The following DMXL1 variants were observed in gnomAD, a reference collection of about 807,000 sequenced individuals.
DMXL1 encodes the protein dmX-like protein 1.
In DMXL1, 99 loss-of-function variants were observed where a neutral mutation model predicts 319.2. That is an observed-to-expected ratio of 0.31 (90% CI 0.26 to 0.37). The LOEUF (loss-of-function observed/expected upper bound fraction) is 0.37. DMXL1 is among the 10% of genes least tolerant of loss of function. DMXL1 has a pLI of 1.00. For synonymous variants in DMXL1, 1,385 were observed against 1,235.2 expected, an observed-to-expected ratio of 1.12 and a Z score of -2.54; for missense variants, 3,745 against 3,595.6, an observed-to-expected ratio of 1.04 and a Z score of -1.06.
intron 19 of DMXL1, among the ~76,000 whole-genome samples, chr5:119,156,937 C>G (rs890878266): frequency 6.6e-6 from 1 of 151,514 alleles, no homozygotes; most frequent in East Asian, 1.9e-4. Flanking sequence ...AGATATCAAG[C>G]GCTTTTTTCA....
chr5:119,164,668 A>G lies in DMXL1; in HGVS notation c.4864A>G (p.Ile1622Val), dbSNP rs756926268. Residue 1622 changes from isoleucine (I) to valine (V), a missense_variant, in exon 20 of 44, where the codon ATA becomes GTA. Transcript: ENST00000539542. Reference protein sequence around the residue: ...VRNTRILRKCIEKVAKAAFYR... With the variant: ...VRNTRILRKCVEKVAKAAFYR... Reference sequence around the variant, plus strand: ...GAATACCCGCATCTTACGCAAATGCATAGAAAAAGTAAGTGTTTTATTTTG... The same window carrying G: ...GAATACCCGCATCTTACGCAAATGCGTAGAAAAAGTAAGTGTTTTATTTTG... The G allele has an allele frequency of 6.3e-7, 1 of 1,593,936 alleles. No individual in the cohort carries two copies. Among genetic ancestry groups the G allele is most frequent in the Non-Finnish European group, 8.6e-7 (1 of 1,167,256 alleles).
At chr5:119,211,350 G>T (rs557119656) in intron 34 of DMXL1, among the ~76,000 whole-genome samples, 3 of 152,112 alleles carry the variant, frequency 2.0e-5, no homozygotes, top group African/African-American at 7.2e-5. Context: ...GAAGTGTTTG[G>T]TAGAATCCTG....
At chr5:119,184,475 A>AT (rs1025954393) in intron 28 of DMXL1, among the ~76,000 whole-genome samples, 1 of 152,126 alleles carries the variant, frequency 6.6e-6, no homozygotes, top group African/African-American at 2.4e-5. Context: ...GCTTGAATAT[A>AT]TTTTTTCCAT....
At chr5:119,210,757 G>A (rs550784834) in intron 34 of DMXL1, among the ~76,000 whole-genome samples, 1 of 89,778 alleles carries the variant, frequency 1.1e-5, no homozygotes, top group Non-Finnish European at 2.1e-5. Flanking sequence ...TTTTTCTTTC[G>A]TTTTTTTTTT....
At chr5:119,192,594 T>C (rs999409529) in intron 29 of DMXL1, among the ~76,000 whole-genome samples, 12 of 152,244 alleles carry the variant, frequency 7.9e-5, no homozygotes, top group African/African-American at 2.9e-4. Flanking sequence ...GTGATATCCA[T>C]GTCAAATGTA....
chr5:119,169,698 G>T (rs1447342215), intron 23 of DMXL1, among the ~76,000 whole-genome samples: 2 of 152,200 alleles, frequency 1.3e-5, no homozygotes, highest in Non-Finnish European at 2.9e-5. Flanking sequence ...GTGAAGTTGG[G>T]ACTGGAGATA....
intron 9 of DMXL1, among the ~76,000 whole-genome samples, chr5:119,124,785 C>T (rs1580853834): frequency 1.3e-5 from 2 of 151,914 alleles, no homozygotes; most frequent in Non-Finnish European, 2.9e-5. Flanking sequence ...AGGCTGGTCT[C>T]GAGCTCCTGA....
chr5:119,075,655 A>G (rs1241542570), intron 1 of DMXL1, among the ~76,000 whole-genome samples: 1 of 151,980 alleles, frequency 6.6e-6, no homozygotes, highest in Admixed American at 6.6e-5. Flanking sequence ...ATTTACTGGA[A>G]TGCTTCCTTC....
chr5:119,213,210 A>G (rs1232596720), intron 34 of DMXL1, among the ~76,000 whole-genome samples: 2 of 152,020 alleles, frequency 1.3e-5, no homozygotes, highest in Admixed American at 1.3e-4. Flanking sequence ...CCTACTCCCC[A>G]CAGATCAATA....
chr5:119,145,397 G>GTCTTCTATCAGTTTTC (rs954162451), intron 15 of DMXL1, among the ~76,000 whole-genome samples: 6 of 151,446 alleles, frequency 4.0e-5, no homozygotes, highest in African/African-American at 7.3e-5. Flanking sequence ...ATTGCTTTTA[G>GTCTTCTATCAGTTTTC]TCTTCTATCA....
chr5:119,071,042 A>T (rs1023343115), upstream of DMXL1, among the ~76,000 whole-genome samples: 1 of 152,228 alleles, frequency 6.6e-6, no homozygotes, highest in South Asian at 2.1e-4. Context: ...CCACAGTAGC[A>T]GCTGCCCCGA....
intron 23 of DMXL1, among the ~76,000 whole-genome samples, chr5:119,169,909 A>G (rs1774207471): frequency 6.6e-6 from 1 of 152,228 alleles, no homozygotes; most frequent in East Asian, 1.9e-4. Flanking sequence ...AAAAAGAACT[A>G]AGAGTCTATA....
At position 119,166,742 on chromosome 5, in the gene DMXL1, A is replaced by AT. The variant is rs776021446; in HGVS notation, c.5103dup (p.Leu1702SerfsTer11). On this transcript the variant is annotated frameshift_variant, in exon 22 of 44. Coordinates refer to ENST00000539542, the MANE Select transcript of DMXL1 (RefSeq NM_001290321.3). LOFTEE classifies it high-confidence loss of function. ...AACAAAGATTTGAACATTCTGCAGCATTTTTTCTTTTAGCTGGTTGCCTCA... is the reference window on the plus strand; with the variant it reads ...AACAAAGATTTGAACATTCTGCAGCATTTTTTTCTTTTAGCTGGTTGCCTCA... The AT allele has an allele frequency of 6.2e-7, 1 of 1,612,474 alleles. No individual in the cohort carries two copies. Among genetic ancestry groups the AT allele is most frequent in the South Asian group, 1.1e-5 (1 of 90,698 alleles).
chr5:119,132,948 A>G, intron 10 of DMXL1, 184 bp from the exon 11 acceptor site: 1 of 628,810 alleles, frequency 1.6e-6, no homozygotes, highest in South Asian at 2.0e-5. Context: ...TACTTAAAGT[A>G]TATTGCAAAG....
intron 1 of DMXL1, among the ~76,000 whole-genome samples, chr5:119,080,538 A>G (rs182012385): frequency 5.9e-5 from 9 of 151,604 alleles, no homozygotes; most frequent in Admixed American, 2.0e-4. Context: ...ATCCTCCCAC[A>G]TTTTTCTTAT....
intron 34 of DMXL1, among the ~76,000 whole-genome samples, chr5:119,209,729 A>G (rs1278690121): frequency 6.6e-6 from 1 of 152,096 alleles, no homozygotes; most frequent in Non-Finnish European, 1.5e-5. Context: ...GTAGTAGTTC[A>G]TTGTGGTTTT....
chr5:119,241,393 G>T (rs1185507128), intron 42 of DMXL1, among the ~76,000 whole-genome samples: 1 of 152,018 alleles, frequency 6.6e-6, no homozygotes, highest in Non-Finnish European at 1.5e-5. Flanking sequence ...AAATTAGCCA[G>T]GCGTTGTGGT....
intron 29 of DMXL1, 47 bp from the exon 30 acceptor site, chr5:119,193,781 T>C: frequency 6.4e-7 from 1 of 1,566,222 alleles, no homozygotes; most frequent in Non-Finnish European, 8.8e-7. Flanking sequence ...TTTGAATGTA[T>C]TAAATTAGAT....
intron 39 of DMXL1, among the ~76,000 whole-genome samples, chr5:119,236,083 A>T (rs942234891): frequency 3.3e-5 from 5 of 152,138 alleles, no homozygotes; most frequent in Non-Finnish European, 1.5e-5. Context: ...AATAGTAGAG[A>T]AATAGATAAA....
Sources: gnomAD v4.1 joint callset for allele counts (sites outside exome capture counted in the v4.1 genomes callset) on GRCh38, gnomAD v4.1.1 for gene constraint, MANE v1.5 for transcripts, NCBI Gene and HGNC (gene_info 2026-07-23, HGNC 2026-07-21) for gene names.